The following PDSS2 variants were observed in gnomAD, a reference collection of about 807,000 sequenced individuals.
PDSS2 encodes decaprenyl diphosphate synthase subunit 2.
PDSS2 carries 31 observed loss-of-function variants against 44.5 expected under a neutral mutation model. The ratio of observed to expected loss-of-function variants is 0.70; its 90% CI spans 0.52 to 0.94. The LOEUF is 0.94. PDSS2 is among the 40% of genes least tolerant of loss of function. The probability of loss-of-function intolerance (pLI) is 0.00; values close to 1 mark genes in which losing one functional copy is unlikely to be tolerated. For synonymous variants in PDSS2, 157 were observed against 180.3 expected, an observed-to-expected ratio of 0.87 and a Z score of 1.03; for missense variants, 452 against 482.2, an observed-to-expected ratio of 0.94 and a Z score of 0.59.
At chr6:107,337,068 CACACACACAA>C (rs1272057462) in intron 1 of PDSS2, among the ~76,000 whole-genome samples, 2 of 118,162 alleles carry the variant, frequency 1.7e-5, no homozygotes, top group South Asian at 3.2e-4. Context: ...CACACACACA[CACACACACAA>C]ATAATAATAA....
rs769552825 is a variant in PDSS2, at chr6:107,458,983, A to G, written c.296+7T>C. ...GCGAGTGTGTCAGCGGGAGAGGGGT[A>G]GCTCACCTGGCTGTGGTAAGCAGAG... On this transcript the variant is annotated splice_region_variant and intron_variant, in intron 1 of 7. Coordinates refer to ENST00000369037, the MANE Select transcript of PDSS2 (RefSeq NM_020381.4). 14 of 1,613,064 alleles carry G rather than the reference A, an allele frequency of 8.7e-6. No individual in the cohort carries two copies. The highest frequency in any genetic ancestry group is 3.3e-5 in the South Asian group (3 of 91,046).
intron 1 of PDSS2, among the ~76,000 whole-genome samples, chr6:107,370,290 T>C (rs1176710360): frequency 6.6e-6 from 1 of 152,202 alleles, no homozygotes; most frequent in Non-Finnish European, 1.5e-5. Context: ...CAGAGAATAT[T>C]CACCAGTCAT....
chr6:107,360,873 G>A (rs1260000517), intron 1 of PDSS2, among the ~76,000 whole-genome samples: 1 of 152,156 alleles, frequency 6.6e-6, no homozygotes, highest in Non-Finnish European at 1.5e-5. Context: ...TACATACTGG[G>A]CAGTATTTCC....
At chr6:107,258,620 T>C (rs1775106786) in intron 3 of PDSS2, among the ~76,000 whole-genome samples, 1 of 152,150 alleles carries the variant, frequency 6.6e-6, no homozygotes, top group Non-Finnish European at 1.5e-5. Flanking sequence ...ATAGCCAACA[T>C]GGCAAAACCC....
intron 2 of PDSS2, among the ~76,000 whole-genome samples, chr6:107,299,663 G>A (rs865812780): frequency 6.6e-6 from 1 of 152,042 alleles, no homozygotes. Context: ...GCGGCTTCCC[G>A]AATATATTAA....
At chr6:107,264,591 CT>C in intron 3 of PDSS2, 1 of 912,908 alleles carries the variant, frequency 1.1e-6, no homozygotes, top group Non-Finnish European at 1.7e-6. Context: ...AAGTAAAAGA[CT>C]TTTCAAAAAC....
intron 2 of PDSS2, among the ~76,000 whole-genome samples, chr6:107,321,574 G>A (rs1777383122): frequency 6.6e-6 from 1 of 152,188 alleles, no homozygotes; most frequent in South Asian, 2.1e-4. Context: ...ACAAACTGAG[G>A]AGCTGAGAGG....
chr6:107,162,950 G>A (rs1554246965), intron 7 of PDSS2, among the ~76,000 whole-genome samples: 1 of 152,110 alleles, frequency 6.6e-6, no homozygotes, highest in Non-Finnish European at 1.5e-5. Flanking sequence ...TTTAGTCCAG[G>A]TGTAAATTTC....
At chr6:107,347,323 C>T (rs1172695396) in intron 1 of PDSS2, among the ~76,000 whole-genome samples, 3 of 137,778 alleles carry the variant, frequency 2.2e-5, no homozygotes, top group African/African-American at 8.3e-5. Context: ...AGTGCAGTGG[C>T]GCGGTCTCAG....
chr6:107,383,315 A>T (rs1473132355), intron 1 of PDSS2, among the ~76,000 whole-genome samples: 2 of 150,934 alleles, frequency 1.3e-5, no homozygotes, highest in Non-Finnish European at 1.5e-5. Flanking sequence ...AAAAAAAAAA[A>T]AAAAAAAAAA....
At chr6:107,400,177 CTG>C (rs1044316180) in intron 1 of PDSS2, among the ~76,000 whole-genome samples, 92 of 152,230 alleles carry the variant, frequency 6.0e-4, no homozygotes, top group African/African-American at 2.1e-3. Flanking sequence ...AGTGGAGAGA[CTG>C]TGAGAAGGAG....
chr6:107,363,679 C>G (rs936149255), intron 1 of PDSS2, among the ~76,000 whole-genome samples: 32 of 152,208 alleles, frequency 2.1e-4, no homozygotes, highest in African/African-American at 7.7e-4. Flanking sequence ...GTTGCCAATA[C>G]TGGCTCGGGC....
intron 1 of PDSS2, among the ~76,000 whole-genome samples, chr6:107,337,989 G>A (rs1156984582): frequency 1.3e-5 from 2 of 152,046 alleles, no homozygotes; most frequent in Non-Finnish European, 2.9e-5. Flanking sequence ...ATAAGTCAGT[G>A]GTTAACAATC....
intron 1 of PDSS2, among the ~76,000 whole-genome samples, chr6:107,393,135 T>C (rs1467344386): frequency 6.6e-6 from 1 of 152,196 alleles, no homozygotes; most frequent in African/African-American, 2.4e-5. Context: ...GAAGCTTAGA[T>C]CATTATTGTA....
intron 7 of PDSS2, among the ~76,000 whole-genome samples, chr6:107,184,718 C>T (rs1772102908): frequency 6.6e-6 from 1 of 152,192 alleles, no homozygotes; most frequent in Non-Finnish European, 1.5e-5. Flanking sequence ...ACGTGACACT[C>T]TGGAACCCTG....
chr6:107,342,400 T>C (rs1562474939), intron 1 of PDSS2, among the ~76,000 whole-genome samples: 1 of 152,138 alleles, frequency 6.6e-6, no homozygotes, highest in Non-Finnish European at 1.5e-5. Context: ...AGTAAGTTCT[T>C]TGAAAGTGAC....
intron 6 of PDSS2, among the ~76,000 whole-genome samples, chr6:107,197,430 T>G (rs1224369263): frequency 7.0e-6 from 1 of 141,996 alleles, no homozygotes; most frequent in East Asian, 2.1e-4. Flanking sequence ...TGATTGTGCC[T>G]GTGAATATCA....
At chr6:107,346,966 T>C (rs548286333) in intron 1 of PDSS2, among the ~76,000 whole-genome samples, 1 of 152,336 alleles carries the variant, frequency 6.6e-6, no homozygotes, top group African/African-American at 2.4e-5. Context: ...AACAGAGGGT[T>C]GGTGGCCCAT....
At chr6:107,404,703 T>C (rs1404399873) in intron 1 of PDSS2, among the ~76,000 whole-genome samples, 2 of 152,118 alleles carry the variant, frequency 1.3e-5, no homozygotes, top group Admixed American at 1.3e-4. Flanking sequence ...ACCGCCCCCA[T>C]GATTCAATTA....
Sources: gnomAD v4.1 joint callset for allele counts (sites outside exome capture counted in the v4.1 genomes callset) on GRCh38, gnomAD v4.1.1 for gene constraint, MANE v1.5 for transcripts, NCBI Gene and HGNC (gene_info 2026-07-23, HGNC 2026-07-21) for gene names.